The following KRT23 variants were observed in gnomAD, a reference collection of about 807,000 sequenced individuals.
KRT23 encodes the protein keratin 23, also known as keratin, type I cytoskeletal 23.
A neutral mutation model predicts 47.6 loss-of-function variants in KRT23; 38 were observed. The observed-to-expected ratio is 0.80, with a 90% confidence interval of 0.62 to 1.05. The LOEUF (loss-of-function observed/expected upper bound fraction) is 1.05. Ranked by LOEUF, KRT23 falls within the 50% of genes least tolerant of loss-of-function variation. KRT23 has a pLI of 0.00. For synonymous variants in KRT23, 191 were observed against 199.0 expected (o/e 0.96, Z 0.34); for missense variants, 503 against 529.5 (o/e 0.95, Z 0.49).
rs536107475 is a variant in KRT23 at position 40,924,634 on chromosome 17, A to T, written c.1143-131T>A. ...TTAATGAGGATAATTGTCTGAGCTT[A>T]GTAGTCTCAAGGTCATGGGTTCACG... On this transcript the variant is annotated intron_variant, in intron 7 of 8. Transcript: ENST00000209718. 5.9e-5 allele frequency: 43 copies of T among 732,674 alleles called. No homozygotes were observed. The African/African-American group carries it at 7.6e-4, about 13-fold the overall frequency. The allele number at this position is 732,674 out of a possible 1,614,324, so 45.4% of individuals were successfully genotyped here. A position where few individuals can be genotyped will look rare whatever the true frequency, so the allele number is the denominator to read the frequency against.
Position 40,936,750 on chromosome 17 carries a change from A to T in KRT23, c.-147T>A. 2.8e-6 allele frequency: 2 copies of T among 710,092 alleles called. No individual in the cohort carries two copies. The highest frequency in any genetic ancestry group is 4.1e-6 in the Non-Finnish European group (2 of 482,078). The allele number at this position is 710,092 out of a possible 1,614,324, so 44.0% of individuals were successfully genotyped here. ...ACAATTGTACCAACAAGATTGTATC[A>T]TTGTGCAACTTGTGTTTCCTCTTGG... On this transcript the variant is annotated 5_prime_UTR_variant, in exon 2 of 9. The change abolishes an upstream ATG in the 5' untranslated region. Transcript: ENST00000209718.
At chr17:40,931,497 G>A (rs983556847) in intron 2 of KRT23, 42 bp from the exon 3 acceptor site, 9 of 1,439,428 alleles carry the variant, frequency 6.3e-6, no homozygotes, top group Non-Finnish European at 7.8e-6. Flanking sequence ...ATCTCACTTG[G>A]ACACACCCAC....
intron 7 of KRT23, 55 bp from the exon 8 acceptor site, chr17:40,924,558 ACTT>A (rs1909110573): frequency 1.4e-6 from 2 of 1,395,948 alleles, no homozygotes; most frequent in Non-Finnish European, 2.0e-6. Flanking sequence ...AATCATAACA[ACTT>A]CTCAGGATGA....
chr17:40,931,449 C>G lies in KRT23; in HGVS notation c.403G>C (p.Asp135His). 1 of 1,613,194 alleles carries G rather than the reference C, an allele frequency of 6.2e-7. No individual in the cohort carries two copies. Among genetic ancestry groups the G allele is most frequent in the Non-Finnish European group, 8.5e-7 (1 of 1,179,116 alleles). ...NITHLQEQIVDGKMTNAQIIL... is the reference protein window; with the variant it reads ...NITHLQEQIVHGKMTNAQIIL... The stretch of plus-strand genomic sequence containing the variant: ...ATCTGAGCATTGGTCATCTTACCAT[C>G]CACTATCTGTAAAACATGCACAAAA... Residue 135 changes from aspartate (D) to histidine (H), a missense_variant, in exon 3 of 9, where the codon GAT (aspartate) becomes CAT (histidine). Transcript: ENST00000209718.
At chr17:40,929,843 G>C in intron 4 of KRT23, 97 bp downstream of exon 4, 7 of 989,442 alleles carry the variant, frequency 7.1e-6, no homozygotes, top group Non-Finnish European at 1.0e-5. Flanking sequence ...AAGGGGATTG[G>C]CATCCAGGTG....
At chr17:40,930,133 T>C in intron 3 of KRT23, 37 bp from the exon 4 acceptor site, 1 of 1,578,008 alleles carries the variant, frequency 6.3e-7, no homozygotes, top group East Asian at 2.2e-5. Context: ...CACTCATTGT[T>C]GGAAGGCCAT....
Position 40,928,470 on chromosome 17 carries a change from G to A in KRT23, c.774C>T (p.Asp258=), listed in dbSNP as rs373258861. The A allele has an allele frequency of 1.2e-6, 2 of 1,613,988 alleles. No homozygotes were observed. Among genetic ancestry groups the A allele is most frequent in the African/African-American group, 2.7e-5 (2 of 74,924 alleles). ...YELIIKKKHR[D]LDTWYKEQSA... ...CCTGTTCTTTATACCAAGTGTCCAA[G>A]TCTCGATGCTTCTTCTTTATTATAA... Residue 258 remains aspartate, a synonymous_variant, in exon 5 of 9, where the codon GAC becomes GAT. Coordinates refer to ENST00000209718, the MANE Select transcript of KRT23 (RefSeq NM_015515.5).
intron 2 of KRT23, among the ~76,000 whole-genome samples, 177 bp downstream of exon 2, chr17:40,936,031 G>A (rs926752871): frequency 1.2e-4 from 19 of 152,062 alleles, no homozygotes; most frequent in Admixed American, 6.6e-4. Context: ...CAAAACAGAC[G>A]TTTCCCACTC....
rs201302187 is a variant in KRT23 at position 40,928,383 on chromosome 17, G to A, written c.799-23C>T. On this transcript the variant is annotated intron_variant, in intron 5 of 8. Coordinates refer to ENST00000209718, the MANE Select transcript of KRT23 (RefSeq NM_015515.5). ...AGACTGTGGGACCAAGCAAGGCAAA[G>A]GCGTCAGCATTGGGACCTCATGGAA... 2.5e-6 allele frequency: 4 copies of A among 1,614,148 alleles called. No homozygotes were observed. In the East Asian group the frequency reaches 8.9e-5, roughly 36 times the overall value.
At chr17:40,927,705 C>A (rs1293920484) in intron 6 of KRT23, among the ~76,000 whole-genome samples, 2 of 152,114 alleles carry the variant, frequency 1.3e-5, no homozygotes, top group Non-Finnish European at 2.9e-5. Flanking sequence ...GGTGATAAGA[C>A]ATATACATAA....
Position 40,936,438 on chromosome 17 carries a change from CA to C in KRT23, c.165del (p.Gly56GlufsTer13). 3.7e-6 allele frequency: 6 copies of C among 1,611,162 alleles called. No homozygotes were observed. Among genetic ancestry groups the C allele is most frequent in the Non-Finnish European group, 5.1e-6 (6 of 1,178,118 alleles). On this transcript the variant is annotated frameshift_variant, in exon 2 of 9. Coordinates refer to ENST00000209718, the MANE Select transcript of KRT23 (RefSeq NM_015515.5). LOFTEE classifies it high-confidence loss of function. ...LSFTTRSCPP[P>X]GGSWGSGRSS... ...CTTCTTCCAGAACCCCAAGACCCTC[CA>C]GGGGGTGGGCAGCTCCGCGTGGTGA...
chr17:40,927,853 G>T (rs749025691), intron 6 of KRT23, among the ~76,000 whole-genome samples: 1 of 152,062 alleles, frequency 6.6e-6, no homozygotes, highest in Non-Finnish European at 1.5e-5. Flanking sequence ...AATTATGGGG[G>T]TCTAGAATCC....
intron 2 of KRT23, 62 bp downstream of exon 2, chr17:40,936,146 C>T: frequency 6.3e-7 from 1 of 1,583,566 alleles, no homozygotes; most frequent in Non-Finnish European, 8.6e-7. Flanking sequence ...CTCATTTTTC[C>T]TCCCGAGGGT....
rs376306370 is a variant in KRT23 at position 40,928,949 on chromosome 17, C to T, written c.637-342G>A. 2.2e-4 allele frequency among the ~76,000 whole-genome samples: 32 copies of T among 148,064 alleles called. No individual in the cohort carries two copies. In the East Asian group the frequency reaches 6.0e-3, roughly 28 times the overall value. On this transcript the variant is annotated intron_variant, in intron 4 of 8. Transcript: ENST00000209718. ...GGCTGAGGCAGGAGAATCGCTTGAA[C>T]CTGCGAGGTGGAGGCTGCAGTGAGC...
At position 40,925,276 on chromosome 17, in the gene KRT23, G is replaced by A. The variant is rs910664340; in HGVS notation, c.1142+78C>T. 1.5e-5 allele frequency: 19 copies of A among 1,249,144 alleles called. No individual in the cohort carries two copies. In the African/African-American group the frequency reaches 2.7e-4, roughly 18 times the overall value. 77.4% of individuals were successfully genotyped at this position (1,249,144 alleles called of 1,614,324 possible). A position where few individuals can be genotyped will look rare whatever the true frequency, so the allele number is the denominator to read the frequency against. ...CTTGCTAGAGTGACTCTTGCTAACA[G>A]AACCCAAAGATGCACACATATACCC... On this transcript the variant is annotated intron_variant, in intron 7 of 8. Coordinates refer to ENST00000209718, the MANE Select transcript of KRT23 (RefSeq NM_015515.5).
chr17:40,933,861 T>C (rs1909867165), intron 2 of KRT23, among the ~76,000 whole-genome samples: 1 of 152,218 alleles, frequency 6.6e-6, no homozygotes, highest in African/African-American at 2.4e-5. Context: ...CAGATTCTCC[T>C]GAAGGCCCTC....
chr17:40,935,004 A>G (rs934195370), intron 2 of KRT23, among the ~76,000 whole-genome samples: 4 of 151,906 alleles, frequency 2.6e-5, no homozygotes, highest in African/African-American at 9.7e-5. Flanking sequence ...TTTGGGAGTC[A>G]TGGTCTCCCT....
chr17:40,930,096 C>T lies in KRT23; in HGVS notation c.480G>A (p.Lys160=), dbSNP rs1273973904. Residue 160 remains lysine (K), a splice_region_variant and synonymous_variant, in exon 4 of 9, where the codon AAG becomes AAA. Coordinates refer to ENST00000209718, the MANE Select transcript of KRT23 (RefSeq NM_015515.5). ...ARMAVDDFNL[K]YENEHSFKKD... ...TCTTAAAGGAGTGTTCATTTTCATACCTTTGGTGAGAAGGAAGAGAAGAGT... is the reference window on the plus strand; with the variant it reads ...TCTTAAAGGAGTGTTCATTTTCATATCTTTGGTGAGAAGGAAGAGAAGAGT... The T allele has an allele frequency of 2.7e-5, 43 of 1,613,444 alleles. No individual in the cohort carries two copies. The highest frequency in any genetic ancestry group is 3.2e-5 in the Non-Finnish European group (38 of 1,179,710).
Position 40,925,451 on chromosome 17 carries a change from G to T in KRT23, c.1045C>A (p.Arg349=). The T allele has an allele frequency of 6.2e-7, 1 of 1,614,088 alleles. No individual in the cohort carries two copies. Among genetic ancestry groups the T allele is most frequent in the Non-Finnish European group, 8.5e-7 (1 of 1,180,006 alleles). ...AGCACTTGGTATTCATTGTTCTGCC[G>T]CTCCAGTTCATGGCGTAGCTGCGTC... ...ELTQLRHELE[R]QNNEYQVLLG... The change falls in exon 7 of 9, where the codon CGG becomes AGG. Residue 349 remains arginine, a synonymous_variant. Transcript: ENST00000209718.
Sources: gnomAD v4.1 joint callset for allele counts (sites outside exome capture counted in the v4.1 genomes callset) on GRCh38, gnomAD v4.1.1 for gene constraint, MANE v1.5 for transcripts, NCBI Gene and HGNC (gene_info 2026-07-23, HGNC 2026-07-21) for gene names.